TYW1B: variants seen among roughly 807,000 people sequenced by gnomAD.
TYW1B encodes the protein S-adenosyl-L-methionine-dependent tRNA 4-demethylwyosine synthase TYW1B.
Under a neutral mutation model 86.9 loss-of-function variants are expected in TYW1B, and 73 were observed. That is an observed-to-expected ratio of 0.84 (90% CI 0.70 to 1.02). TYW1B has a LOEUF of 1.02. Ranked by LOEUF, TYW1B falls within the 50% of genes least tolerant of loss-of-function variation. TYW1B has a pLI of 0.00. For synonymous variants in TYW1B, 248 were observed against 292.8 expected (o/e 0.85, Z 1.56); for missense variants, 637 against 827.4 (o/e 0.77, Z 2.82).
In TYW1B at chr7:72,729,003, C is replaced by T. The variant is rs773411755; in HGVS notation, c.1083-72G>A. The T allele has an allele frequency of 3.9e-5, 55 of 1,422,842 alleles. No homozygotes were observed. In the African/African-American group the frequency reaches 3.9e-4, roughly 10 times the overall value. The allele number at this position is 1,422,842 out of a possible 1,614,324, so 88.1% of individuals were successfully genotyped here. On this transcript the variant is annotated intron_variant, in intron 8 of 13. Transcript: ENST00000620995. ...CTGGGCTAGTCATTTATGATGAAGT[C>T]GTCCATTTTTAAAAAATCACAAAAT...
rs114601335 is a variant in TYW1B, at chr7:72,626,707, A to G, written c.1617+2180T>C. 3.1e-3 allele frequency among the ~76,000 whole-genome samples: 471 copies of G among 152,184 alleles called. 2 individuals are homozygous for G. The highest frequency in any genetic ancestry group is 0.011 in the African/African-American group (453 of 41,518). On this transcript the variant is annotated intron_variant, in intron 12 of 13. Transcript: ENST00000620995. The stretch of plus-strand genomic sequence containing the variant: ...CCTAGCAAAACGTTTTATTGGTTCT[A>G]CTTCCAAAAGGAATCCTAAATGCAC...
chr7:72,713,155 G>T lies in TYW1B; in HGVS notation c.1370+466C>A, dbSNP rs1311891138. On this transcript the variant is annotated intron_variant, in intron 10 of 13. Coordinates refer to ENST00000620995, the MANE Select transcript of TYW1B (RefSeq NM_001145440.3). ...CTCTATTAAAAAAAAAAAAAAATTAGCTGGGCATGGTGCCAGGCACCTGTA... is the reference window on the plus strand; with the variant it reads ...CTCTATTAAAAAAAAAAAAAAATTATCTGGGCATGGTGCCAGGCACCTGTA... Among the ~76,000 whole-genome samples, 8 of 149,554 alleles carry T rather than the reference G, an allele frequency of 5.3e-5. No individual in the cohort carries two copies. In the South Asian group the frequency reaches 8.5e-4, roughly 16 times the overall value.
chr7:72,649,927 T>C (rs1813018836), intron 11 of TYW1B, among the ~76,000 whole-genome samples: 1 of 152,088 alleles, frequency 6.6e-6, no homozygotes, highest in South Asian at 2.1e-4. Flanking sequence ...TCTTGCTCTG[T>C]CGCCCAGACT....
chr7:72,789,094 G>A (rs1308287756), intron 6 of TYW1B, among the ~76,000 whole-genome samples: 3 of 151,908 alleles, frequency 2.0e-5, no homozygotes, highest in Non-Finnish European at 4.4e-5. Flanking sequence ...GCCTCCCAAA[G>A]TGCTGAGATT....
chr7:72,696,685 T>C (rs1554451550), intron 10 of TYW1B, among the ~76,000 whole-genome samples: 1 of 152,088 alleles, frequency 6.6e-6, no homozygotes, highest in African/African-American at 2.4e-5. Context: ...TAAGGGAATA[T>C]AGGCCAAACA....
At chr7:72,669,074 GAC>G (rs1268810972) in intron 11 of TYW1B, among the ~76,000 whole-genome samples, 7 of 146,360 alleles carry the variant, frequency 4.8e-5, no homozygotes, top group Admixed American at 4.1e-4. Flanking sequence ...CCAAAATATT[GAC>G]AGTCATTTAT....
chr7:72,827,280 C>T (rs1309538392), intron 1 of TYW1B, among the ~76,000 whole-genome samples: 1 of 151,846 alleles, frequency 6.6e-6, no homozygotes, highest in Non-Finnish European at 1.5e-5. Context: ...TGGTGGCGCG[C>T]GCCTGTAATC....
intron 10 of TYW1B, among the ~76,000 whole-genome samples, chr7:72,699,632 T>C (rs1554452099): frequency 6.6e-6 from 1 of 152,082 alleles, no homozygotes. Context: ...ACAAAGCTGT[T>C]TGTATTCTTA....
intron 7 of TYW1B, among the ~76,000 whole-genome samples, chr7:72,766,309 T>C (rs1284284009): frequency 2.6e-5 from 4 of 152,182 alleles, no homozygotes; most frequent in African/African-American, 7.2e-5. Context: ...TACCTTTTAT[T>C]TTCCCTTTTT....
chr7:72,779,554 T>C (rs1554471293), intron 6 of TYW1B, among the ~76,000 whole-genome samples: 1 of 151,698 alleles, frequency 6.6e-6, no homozygotes, highest in Non-Finnish European at 1.5e-5. Flanking sequence ...CTGTCTCTAC[T>C]AAAAATACAA....
chr7:72,811,291 G>A (rs1332038032), intron 3 of TYW1B, among the ~76,000 whole-genome samples: 2 of 140,212 alleles, frequency 1.4e-5, no homozygotes, highest in African/African-American at 2.6e-5. Flanking sequence ...AAAAAAGAAA[G>A]AAAGAAAAAA....
rs567539296 is a variant in TYW1B at position 72,754,377 on chromosome 7, G to A, written c.965-9776C>T. On this transcript the variant is annotated intron_variant, in intron 7 of 13. Transcript: ENST00000620995. ...AGGCTGGTCTCGAACTCCTGACTTC[G>A]GGATCTGCCCACCTCGGCCTCCCAC... 2.0e-5 allele frequency among the ~76,000 whole-genome samples: 3 copies of A among 150,742 alleles called. No individual in the cohort carries two copies. The South Asian group carries it at 6.3e-4, about 32-fold the overall frequency.
intron 11 of TYW1B, among the ~76,000 whole-genome samples, chr7:72,667,960 T>A (rs1347255662): frequency 6.6e-6 from 1 of 152,202 alleles, no homozygotes; most frequent in Non-Finnish European, 1.5e-5. Context: ...CATAATTTAC[T>A]CAAGGTTGAC....
chr7:72,675,992 A>G (rs2129569810), intron 11 of TYW1B, among the ~76,000 whole-genome samples: 1 of 152,310 alleles, frequency 6.6e-6, no homozygotes, highest in East Asian at 1.9e-4. Context: ...AAGAATAAAT[A>G]AGAGAAGGAA....
At position 72,721,233 on chromosome 7, in the gene TYW1B, A is replaced by G. The variant is rs529700393; in HGVS notation, c.1193-7435T>C. 2.6e-5 allele frequency among the ~76,000 whole-genome samples: 4 copies of G among 152,328 alleles called. No individual in the cohort carries two copies. The South Asian group carries it at 8.3e-4, about 32-fold the overall frequency. ...CGTGTACATGTGTCTTTATAACAGC[A>G]TGATTTATAATCCTTTGGGTATACA... is the stretch of plus-strand genomic sequence containing the variant. On this transcript the variant is annotated intron_variant, in intron 9 of 13. Coordinates refer to ENST00000620995, the MANE Select transcript of TYW1B (RefSeq NM_001145440.3).
chr7:72,771,993 T>A (rs1554469730), intron 7 of TYW1B, among the ~76,000 whole-genome samples: 1 of 151,824 alleles, frequency 6.6e-6, no homozygotes, highest in African/African-American at 2.4e-5. Context: ...ACTACAGTTG[T>A]GCTTCACCCT....
At chr7:72,681,598 T>TC (rs1432183595) in intron 11 of TYW1B, among the ~76,000 whole-genome samples, 3 of 148,232 alleles carry the variant, frequency 2.0e-5, no homozygotes, top group African/African-American at 5.0e-5. Context: ...CTTCTTTTTT[T>TC]TTTTTTTTTT....
intron 6 of TYW1B, among the ~76,000 whole-genome samples, chr7:72,778,371 A>C (rs1787993924): frequency 6.6e-6 from 1 of 152,220 alleles, no homozygotes; most frequent in African/African-American, 2.4e-5. Flanking sequence ...AAAAAAAGTA[A>C]TCTAAGCCAC....
chr7:72,599,604 G>A (rs781973481), intron 13 of TYW1B, among the ~76,000 whole-genome samples: 5 of 152,074 alleles, frequency 3.3e-5, no homozygotes, highest in African/African-American at 1.2e-4. Flanking sequence ...TCTGTGTACA[G>A]GTGACGTGAT....
Sources: gnomAD v4.1 joint callset for allele counts (sites outside exome capture counted in the v4.1 genomes callset) on GRCh38, gnomAD v4.1.1 for gene constraint, MANE v1.5 for transcripts, NCBI Gene and HGNC (gene_info 2026-07-23, HGNC 2026-07-21) for gene names.